Variants in CKAP5 observed in about 807,000 individuals in gnomAD.
The protein encoded by CKAP5 is cytoskeleton associated protein 5.
A neutral mutation model predicts 232.8 loss-of-function variants in CKAP5; 27 were observed. The observed-to-expected ratio is 0.12, with a 90% CI of 0.09 to 0.16. CKAP5 has a LOEUF of 0.16. CKAP5 is among the 10% of genes least tolerant of loss of function. The pLI is 1.00. For synonymous variants in CKAP5, 785 were observed against 841.1 expected (o/e 0.93, Z 1.16); for missense variants, 1,838 against 2,424.7 (o/e 0.76, Z 5.08).
chr11:46,767,796 G>T (rs2065215074), intron 26 of CKAP5, 133 bp from the exon 27 acceptor site: 2 of 485,772 alleles, frequency 4.1e-6, no homozygotes, highest in Non-Finnish European at 7.0e-6. Flanking sequence ...TTTTCAGTTA[G>T]TTTTTTTTTT....
intron 4 of CKAP5, among the ~76,000 whole-genome samples, chr11:46,812,619 C>T (rs562815141): frequency 2.0e-5 from 3 of 152,070 alleles, no homozygotes; most frequent in South Asian, 2.1e-4. Flanking sequence ...TGTACTCCAA[C>T]GATTTTTTTT....
At chr11:46,809,666 CT>C in intron 6 of CKAP5, 75 bp downstream of exon 6, 1 of 1,540,978 alleles carries the variant, frequency 6.5e-7, no homozygotes, top group Non-Finnish European at 8.9e-7. Context: ...CAAAATATGC[CT>C]AATGAACACA....
intron 8 of CKAP5, among the ~76,000 whole-genome samples, chr11:46,802,547 CAGACAGACAG>C (rs1565743357): frequency 3.7e-5 from 5 of 135,014 alleles, no homozygotes; most frequent in South Asian, 2.2e-4. Context: ...GACAGACAGA[CAGACAGACAG>C]ACACACACAC....
chr11:46,822,143 G>A (rs777342158), intron 1 of CKAP5, among the ~76,000 whole-genome samples: 12 of 151,964 alleles, frequency 7.9e-5, no homozygotes, highest in Admixed American at 2.6e-4. Context: ...GCCAGGCGTA[G>A]TGGTGTGTGT....
chr11:46,776,270 AG>A lies in CKAP5; in HGVS notation c.2975del (p.Pro992LeufsTer3). 6.2e-7 allele frequency: 1 copy of A among 1,613,784 alleles called. No homozygotes were observed. Among genetic ancestry groups the A allele is most frequent in the Non-Finnish European group, 8.5e-7 (1 of 1,179,778 alleles). ...DLSEELKKEN[P>X]FLRQELLGWL... ...TGATACTAACCTCTTGCCTCAAGAA[AG>A]GATTTTCCTTTTTGAGCTCTTCAGA... On this transcript the variant is annotated frameshift_variant, in exon 24 of 44. Coordinates refer to ENST00000529230, the MANE Select transcript of CKAP5 (RefSeq NM_001008938.4). LOFTEE classifies it high-confidence loss of function.
Position 46,795,731 on chromosome 11 carries a change from C to G in CKAP5, c.1513G>C (p.Ala505Pro), listed in dbSNP as rs751060838. The G allele has an allele frequency of 1.9e-6, 3 of 1,614,102 alleles. No individual in the cohort carries two copies. Among genetic ancestry groups the G allele is most frequent in the Non-Finnish European group, 2.5e-6 (3 of 1,179,986 alleles). ...TCCTTCTTATCAGCAGCTAGTCCAG[C>G]TTTCTTACCATGTATCAGTTCTACC... ...EKVELIHGKKAGLAADKKEFK... is the reference protein window; with the variant it reads ...EKVELIHGKKPGLAADKKEFK... Residue 505 changes from alanine (A) to proline (P), a missense_variant, in exon 13 of 44, where the codon GCT becomes CCT. By Grantham distance (27) the Ala-to-Pro change is conservative. Coordinates refer to ENST00000529230, the MANE Select transcript of CKAP5 (RefSeq NM_001008938.4).
intron 1 of CKAP5, among the ~76,000 whole-genome samples, chr11:46,822,157 TG>T (rs1327938963): frequency 2.0e-5 from 3 of 152,148 alleles, no homozygotes; most frequent in Non-Finnish European, 4.4e-5. Context: ...TGTGTGTGCC[TG>T]TAGTCCCAGC....
intron 8 of CKAP5, among the ~76,000 whole-genome samples, chr11:46,807,506 T>G (rs1405326263): frequency 2.0e-5 from 3 of 152,218 alleles, no homozygotes; most frequent in African/African-American, 7.2e-5. Context: ...CTTACAGTTT[T>G]CATAAAAAGT....
intron 23 of CKAP5, among the ~76,000 whole-genome samples, chr11:46,776,830 G>A (rs1349388117): frequency 3.1e-5 from 1 of 32,024 alleles, no homozygotes; most frequent in African/African-American, 8.4e-5. Context: ...AATATTAAAA[G>A]CACAAATTAT....
At chr11:46,755,301 C>T (rs2065102100) in intron 35 of CKAP5, among the ~76,000 whole-genome samples, 1 of 152,150 alleles carries the variant, frequency 6.6e-6, no homozygotes, top group East Asian at 1.9e-4. Context: ...GCAACCTCCA[C>T]CTTCCGGTTT....
intron 1 of CKAP5, among the ~76,000 whole-genome samples, chr11:46,843,831 G>A (rs983360997): frequency 6.6e-6 from 1 of 152,038 alleles, no homozygotes; most frequent in Non-Finnish European, 1.5e-5. Context: ...TGTTTTATTA[G>A]GAATGGATAT....
At chr11:46,786,874 G>A (rs929527374) in intron 16 of CKAP5, among the ~76,000 whole-genome samples, 1 of 152,116 alleles carries the variant, frequency 6.6e-6, no homozygotes, top group Non-Finnish European at 1.5e-5. Context: ...AGATCACATT[G>A]GTTCAAGGCA....
intron 5 of CKAP5, among the ~76,000 whole-genome samples, chr11:46,810,530 C>T (rs1192755308): frequency 3.3e-5 from 5 of 152,016 alleles, no homozygotes; most frequent in African/African-American, 1.2e-4. Context: ...AGACTGGTCT[C>T]GAACTCCTAG....
At chr11:46,782,458 C>T (rs1380516381) in intron 18 of CKAP5, among the ~76,000 whole-genome samples, 1 of 152,056 alleles carries the variant, frequency 6.6e-6, no homozygotes, top group Non-Finnish European at 1.5e-5. Flanking sequence ...CAGATAATAA[C>T]ATAACAAACC....
At position 46,751,515 on chromosome 11, in the gene CKAP5, C is replaced by T. The variant is rs1461010068; in HGVS notation, c.5153G>A (p.Arg1718Gln). ...GCTATTGATGGTATCAGGCAACAGT[C>T]GAACCATTCTCCAGAGACACTATTG... ...LVMKCLWRMVRLLPDTINSIN... is the reference protein window; with the variant it reads ...LVMKCLWRMVQLLPDTINSIN... The change falls in exon 39 of 44, where the codon CGA becomes CAA. Residue 1718 changes from arginine to glutamine, a missense_variant. Physicochemically the swap from Arg to Gln is conservative, Grantham distance 43. This residue lies in a region of CKAP5 where 579 missense variants were observed against 843.2 expected (regional missense o/e 0.69). Transcript: ENST00000529230. 3 of 1,611,428 alleles carry T rather than the reference C, an allele frequency of 1.9e-6. No individual in the cohort carries two copies. The highest frequency in any genetic ancestry group is 2.2e-5 in the East Asian group (1 of 44,872).
intron 40 of CKAP5, 96 bp downstream of exon 40, chr11:46,751,022 G>A (rs935546633): frequency 2.5e-5 from 36 of 1,455,126 alleles, no homozygotes; most frequent in Non-Finnish European, 3.3e-5. Flanking sequence ...CTTCACCTTG[G>A]ACCTTCGGAA....
At chr11:46,813,811 A>C (rs906494364) in intron 4 of CKAP5, among the ~76,000 whole-genome samples, 2 of 151,954 alleles carry the variant, frequency 1.3e-5, no homozygotes, top group African/African-American at 4.8e-5. Context: ...AGTACACAGC[A>C]CTCCAGACTA....
intron 8 of CKAP5, among the ~76,000 whole-genome samples, chr11:46,802,557 GACACACACACACACACAC>G (rs1254439046): frequency 6.8e-6 from 1 of 147,448 alleles, no homozygotes; most frequent in African/African-American, 2.5e-5. Context: ...CAGACAGACA[GACACACACACACACACAC>G]ACACACACAC....
In CKAP5 at chr11:46,762,138, T is replaced by C. The variant is rs1425072771; in HGVS notation, c.4083A>G (p.Gln1361=). The C allele has an allele frequency of 1.1e-5, 17 of 1,614,036 alleles. No homozygotes were observed. The highest frequency in any genetic ancestry group is 1.4e-5 in the Non-Finnish European group (16 of 1,180,010). The part of the protein sequence containing the change: ...LVESYGMNVC[Q]PTPGKALKEI... ...CCTTTAAGGCTTTTCCTGGGGTTGG[T>C]TGGCAAACATTCATGCCATAGGACT... The change falls in exon 32 of 44, where the codon CAA becomes CAG. Residue 1361 remains glutamine, a synonymous_variant. Coordinates refer to ENST00000529230, the MANE Select transcript of CKAP5 (RefSeq NM_001008938.4).
Sources: gnomAD v4.1 joint callset for allele counts (sites outside exome capture counted in the v4.1 genomes callset) on GRCh38, gnomAD v4.1.1 for gene constraint, gnomAD v4.1.1 regional missense constraint, MANE v1.5 for transcripts, NCBI Gene and HGNC (gene_info 2026-07-23, HGNC 2026-07-21) for gene names.